RBM47: variants seen among roughly 807,000 people sequenced by gnomAD.
The protein encoded by RBM47 is RNA binding motif protein 47.
Under a neutral mutation model 47.1 loss-of-function variants are expected in RBM47, and 21 were observed. The ratio of observed to expected loss-of-function variants is 0.45; its 90% CI spans 0.32 to 0.64. The LOEUF (loss-of-function observed/expected upper bound fraction) is 0.64. RBM47 is among the 30% of genes least tolerant of loss of function. The probability of loss-of-function intolerance (pLI) is 0.05; values close to 1 mark genes in which losing one functional copy is unlikely to be tolerated. For missense variants in RBM47, 708 were observed against 870.9 expected, an observed-to-expected ratio of 0.81 and a Z score of 2.35; for synonymous variants, 375 against 361.7, an observed-to-expected ratio of 1.04 and a Z score of -0.42.
chr4:40,495,684 G>C (rs1479088764), intron 2 of RBM47, among the ~76,000 whole-genome samples: 1 of 152,112 alleles, frequency 6.6e-6, no homozygotes, highest in Non-Finnish European at 1.5e-5. Context: ...AGAGTTTTTG[G>C]GATAACAGAA....
At chr4:40,590,180 A>C (rs1239842969) in intron 1 of RBM47, among the ~76,000 whole-genome samples, 1 of 152,174 alleles carries the variant, frequency 6.6e-6, no homozygotes, top group Admixed American at 6.5e-5. Context: ...AGACGTGTGC[A>C]CGCCTGTGTG....
At chr4:40,488,113 G>C (rs1413823287) in intron 2 of RBM47, among the ~76,000 whole-genome samples, 1 of 152,104 alleles carries the variant, frequency 6.6e-6, no homozygotes, top group African/African-American at 2.4e-5. Context: ...CCTGAGATCA[G>C]GAGTTCAAGA....
chr4:40,568,958 G>T (rs1374929597), intron 1 of RBM47, among the ~76,000 whole-genome samples: 6 of 149,664 alleles, frequency 4.0e-5, no homozygotes. Flanking sequence ...TCCAGCCTGG[G>T]CGACAATAGT....
At chr4:40,592,422 T>C (rs1393176011) in intron 1 of RBM47, among the ~76,000 whole-genome samples, 2 of 134,258 alleles carry the variant, frequency 1.5e-5, no homozygotes, top group African/African-American at 2.9e-5. Context: ...AATCTTTTTT[T>C]TTTCTTTTTT....
intron 2 of RBM47, among the ~76,000 whole-genome samples, chr4:40,500,159 C>A (rs1490334030): frequency 6.6e-6 from 1 of 152,056 alleles, no homozygotes; most frequent in Non-Finnish European, 1.5e-5. Flanking sequence ...ACTAAAAATA[C>A]AAAATTAGCC....
intron 2 of RBM47, among the ~76,000 whole-genome samples, chr4:40,502,275 A>G (rs1723477326): frequency 6.6e-6 from 1 of 152,174 alleles, no homozygotes; most frequent in Non-Finnish European, 1.5e-5. Context: ...ATGTTGACAC[A>G]TTTCCCACAG....
chr4:40,546,415 G>A (rs960586929), intron 1 of RBM47, among the ~76,000 whole-genome samples: 2 of 152,160 alleles, frequency 1.3e-5, no homozygotes, highest in African/African-American at 4.8e-5. Flanking sequence ...CTCCCAAAGT[G>A]CTGGGATTAC....
intron 1 of RBM47, among the ~76,000 whole-genome samples, chr4:40,583,862 AAAAAAAAAC>A (rs1010441603): frequency 8.9e-5 from 11 of 123,808 alleles, no homozygotes; most frequent in Non-Finnish European, 1.1e-4. Context: ...CGTCTCAAAA[AAAAAAAAAC>A]AAAAAACAAA....
intron 2 of RBM47, among the ~76,000 whole-genome samples, chr4:40,483,412 G>A (rs183254136): frequency 2.0e-5 from 3 of 152,322 alleles, no homozygotes; most frequent in African/African-American, 7.2e-5. Flanking sequence ...GAAGCAGAGG[G>A]AGCGAGACAG....
Position 40,535,403 on chromosome 4 carries a change from T to C in RBM47, c.-155+9019A>G, listed in dbSNP as rs1305566821. Among the ~76,000 whole-genome samples, 5 of 144,990 alleles carry C rather than the reference T, an allele frequency of 3.4e-5. No homozygotes were observed. The East Asian group carries it at 9.9e-4, about 29-fold the overall frequency. ...TTTTTTTTTTTTTGAGACGGAGCCT[T>C]GCTCTGTCACCCAGGCTGGAGTGCA... On this transcript the variant is annotated intron_variant, in intron 2 of 6. Coordinates refer to ENST00000295971, the MANE Select transcript of RBM47 (RefSeq NM_001098634.2).
chr4:40,586,326 G>C (rs1330389341), intron 1 of RBM47, among the ~76,000 whole-genome samples: 4 of 152,132 alleles, frequency 2.6e-5, no homozygotes, highest in Non-Finnish European at 5.9e-5. Flanking sequence ...ACCTTGAAAA[G>C]AAGAGGTTCC....
intron 3 of RBM47, among the ~76,000 whole-genome samples, chr4:40,463,905 G>A (rs553391024): frequency 1.3e-4 from 20 of 152,116 alleles, no homozygotes; most frequent in Admixed American, 6.5e-4. Flanking sequence ...TATATGATGC[G>A]TGGGGATAGG....
At position 40,438,315 on chromosome 4, in the gene RBM47, GTTC is replaced by G; in HGVS notation, c.576_578del (p.Lys192del). The G allele has an allele frequency of 6.2e-7, 1 of 1,607,666 alleles. No individual in the cohort carries two copies. Among genetic ancestry groups the G allele is most frequent in the Non-Finnish European group, 8.5e-7 (1 of 1,179,900 alleles). On this transcript the variant is annotated inframe_deletion, in exon 4 of 7. Coordinates refer to ENST00000295971, the MANE Select transcript of RBM47 (RefSeq NM_001098634.2). ...CGTACTCCACGAAGGCGAAGCCGCG[GTTC>G]TTCATCTTGTCGGCCGCGCTGGCGT...
rs551330577 is a variant in RBM47, at chr4:40,438,846, G to C, written c.48C>G (p.Ala16=). Residue 16 remains alanine (A), a synonymous_variant, in exon 4 of 7, where the codon GCC becomes GCG. Transcript: ENST00000295971. ...STAAMSSDSA[A]GSSAKVPEGV... is the part of the protein sequence containing the mutation. ...CCTCGGGCACCTTGGCGGAGGACCCGGCGGCCGAGTCACTGCTCATGGCTG... is the reference window on the plus strand; with the variant it reads ...CCTCGGGCACCTTGGCGGAGGACCCCGCGGCCGAGTCACTGCTCATGGCTG... The C allele has an allele frequency of 1.6e-4, 249 of 1,558,586 alleles. 1 individual carries two copies. The East Asian group carries it at 4.8e-3, about 30-fold the overall frequency.
At chr4:40,505,493 G>A (rs114526794) in intron 2 of RBM47, among the ~76,000 whole-genome samples, 26,789 of 144,058 alleles carry the variant, frequency 0.19, 2,689 homozygotes, top group East Asian at 0.27. Context: ...AAAAAAAAGT[G>A]TAAAAAAAAA....
intron 2 of RBM47, among the ~76,000 whole-genome samples, chr4:40,529,875 A>T (rs983871098): frequency 7.0e-6 from 1 of 141,988 alleles, no homozygotes; most frequent in Non-Finnish European, 1.5e-5. Flanking sequence ...TAAATAAATA[A>T]ATATTAAAAT....
In RBM47 at chr4:40,599,739, G is replaced by GAA. The variant is rs34255711; in HGVS notation, c.-240+29655_-240+29656dup. ...CAGATGAGAATACAGAAATGAATTA[G>GAA]AAAAAAAAAAAAAATCCTCAAGCCA... On this transcript the variant is annotated intron_variant, in intron 1 of 6. Coordinates refer to ENST00000295971, the MANE Select transcript of RBM47 (RefSeq NM_001098634.2). 8.1e-3 allele frequency among the ~76,000 whole-genome samples: 1,118 copies of GAA among 138,702 alleles called. 14 individuals carry two copies. Among genetic ancestry groups the GAA allele is most frequent in the African/African-American group, 0.017 (652 of 38,178 alleles). 91.0% of individuals were successfully genotyped at this position (138,702 alleles called of 152,430 possible).
At chr4:40,515,562 T>A (rs1256402590) in intron 2 of RBM47, among the ~76,000 whole-genome samples, 1 of 151,998 alleles carries the variant, frequency 6.6e-6, no homozygotes, top group African/African-American at 2.4e-5. Context: ...CCCAAGAGAG[T>A]GCTCAGAATT....
At position 40,534,905 on chromosome 4, in the gene RBM47, A is replaced by G. The variant is rs1019538073; in HGVS notation, c.-155+9517T>C. ...AGCCGAGATCGTGCCAGTGCACTCC[A>G]GCCTGGGCGATGGAGCAAGACTCCG... is the stretch of plus-strand genomic sequence containing the variant. On this transcript the variant is annotated intron_variant, in intron 2 of 6. Coordinates refer to ENST00000295971, the MANE Select transcript of RBM47 (RefSeq NM_001098634.2). Among the ~76,000 whole-genome samples the G allele has an allele frequency of 5.4e-5, 8 of 147,970 alleles. No individual in the cohort carries two copies. The Admixed American group carries it at 5.4e-4, about 10-fold the overall frequency.
Sources: gnomAD v4.1 joint callset for allele counts (sites outside exome capture counted in the v4.1 genomes callset) on GRCh38, gnomAD v4.1.1 for gene constraint, MANE v1.5 for transcripts, NCBI Gene and HGNC (gene_info 2026-07-23, HGNC 2026-07-21) for gene names.